ZNF280D: variants seen among roughly 807,000 people sequenced by gnomAD.
ZNF280D encodes suppressor of hairy wing homolog 4.
In ZNF280D, 39 loss-of-function variants were observed where a neutral mutation model predicts 94.7. The observed-to-expected ratio is 0.41, with a 90% confidence interval of 0.32 to 0.54. ZNF280D has a LOEUF of 0.54. Among genes scored for constraint, ZNF280D ranks in the 20% least tolerant of loss-of-function variants. The pLI is 0.22. For synonymous variants in ZNF280D, 398 were observed against 377.6 expected (o/e 1.05, Z -0.63); for missense variants, 1,090 against 1,149.3 (o/e 0.95, Z 0.75).
chr15:56,712,594 CAA>C (rs1171267893), intron 1 of ZNF280D, among the ~76,000 whole-genome samples: 113 of 76,984 alleles, frequency 1.5e-3, no homozygotes, highest in African/African-American at 5.8e-3. Flanking sequence ...ACCCTCATAC[CAA>C]AAAAAAAAAA....
intron 10 of ZNF280D, among the ~76,000 whole-genome samples, chr15:56,679,908 G>A (rs186851674): frequency 6.6e-6 from 1 of 152,214 alleles, no homozygotes; most frequent in Non-Finnish European, 1.5e-5. Flanking sequence ...AAAAATCCTG[G>A]TCGTTGTTAA....
At chr15:56,669,069 C>T (rs1278683871) in intron 13 of ZNF280D, 112 bp from the exon 14 acceptor site, 15 of 959,762 alleles carry the variant, frequency 1.6e-5, no homozygotes, top group Admixed American at 9.0e-5. Flanking sequence ...TAAAAACTTG[C>T]GGTTTAACAT....
At chr15:56,676,300 T>G (rs183152252) in intron 13 of ZNF280D, among the ~76,000 whole-genome samples, 1 of 152,142 alleles carries the variant, frequency 6.6e-6, no homozygotes, top group Non-Finnish European at 1.5e-5. Flanking sequence ...CTTTTCTTCC[T>G]CAGTTCAAAC....
intron 4 of ZNF280D, among the ~76,000 whole-genome samples, chr15:56,701,750 A>G (rs2057087466): frequency 6.6e-6 from 1 of 152,132 alleles, no homozygotes; most frequent in South Asian, 2.1e-4. Flanking sequence ...TCATCGGATT[A>G]TCTACTATTA....
chr15:56,654,557 T>G, intron 17 of ZNF280D, 54 bp from the exon 18 acceptor site: 1 of 1,483,746 alleles, frequency 6.7e-7, no homozygotes, highest in Non-Finnish European at 9.1e-7. Flanking sequence ...AATCCACTTA[T>G]AAGTTTGATG....
intron 19 of ZNF280D, among the ~76,000 whole-genome samples, chr15:56,651,356 G>T (rs1449559158): frequency 6.6e-6 from 1 of 152,162 alleles, no homozygotes; most frequent in Non-Finnish European, 1.5e-5. Context: ...AGAATAAAAT[G>T]ATGGTAAGGA....
intron 19 of ZNF280D, 187 bp downstream of exon 19, chr15:56,654,011 C>A: frequency 7.0e-7 from 1 of 1,431,602 alleles, no homozygotes; most frequent in African/African-American, 1.5e-5. Flanking sequence ...TAGGAAATTC[C>A]AACTTGTCTT....
At chr15:56,635,315 C>T in intron 20 of ZNF280D, 65 bp from the exon 21 acceptor site, 6 of 845,358 alleles carry the variant, frequency 7.1e-6, no homozygotes, top group Non-Finnish European at 1.0e-5. Flanking sequence ...TTTTATTATA[C>T]TAAACTTTCT....
rs2057452687 is a variant in ZNF280D at position 56,707,086 on chromosome 15, T to C, written c.24A>G (p.Pro8=). 3 of 1,613,964 alleles carry C rather than the reference T, an allele frequency of 1.9e-6. No individual in the cohort carries two copies. Among genetic ancestry groups the C allele is most frequent in the Non-Finnish European group, 2.5e-6 (3 of 1,179,896 alleles). ...AGTTGTGGCAGCAACACTTACTTTT[T>C]GGTTGAAAAGGGTTGTCGCCCATCA... is the stretch of plus-strand genomic sequence containing the variant. The part of the protein sequence containing the change: MGDNPFQ[P]KSNSKMAELF... Residue 8 remains proline, a synonymous_variant, in exon 3 of 22, where the codon CCA becomes CCG. Coordinates refer to ENST00000267807, the MANE Select transcript of ZNF280D (RefSeq NM_017661.4).
chr15:56,665,090 C>T (rs1248768402), intron 16 of ZNF280D, among the ~76,000 whole-genome samples: 1 of 151,952 alleles, frequency 6.6e-6, no homozygotes, highest in Non-Finnish European at 1.5e-5. Flanking sequence ...GAAATGCTGG[C>T]ACTAAAGAAG....
chr15:56,717,945 T>C (rs935165292), intron 1 of ZNF280D, among the ~76,000 whole-genome samples: 1 of 152,092 alleles, frequency 6.6e-6, no homozygotes, highest in African/African-American at 2.4e-5. Context: ...GAACTCTAGG[T>C]GAGAAAGATC....
rs530774 is a variant in ZNF280D, at chr15:56,704,356, A to G, written c.29-89T>C. 1.9e-3 allele frequency: 2,440 copies of G among 1,279,056 alleles called. 35 individuals carry two copies. The African/African-American group carries it at 0.032, about 17-fold the overall frequency. The allele number at this position is 1,279,056 out of a possible 1,614,324, so 79.2% of individuals were successfully genotyped here. A position where few individuals can be genotyped will look rare whatever the true frequency, so the allele number is the denominator to read the frequency against. Reference sequence around the variant, plus strand: ...ATACATAGCATTAATTTTAAGGTGTACTTTAATAATCTTAATAGCAATTTC... The same window carrying G: ...ATACATAGCATTAATTTTAAGGTGTGCTTTAATAATCTTAATAGCAATTTC... On this transcript the variant is annotated intron_variant, in intron 3 of 21. Coordinates refer to ENST00000267807, the MANE Select transcript of ZNF280D (RefSeq NM_017661.4).
At chr15:56,716,948 T>A (rs1047415665) in intron 1 of ZNF280D, among the ~76,000 whole-genome samples, 1 of 152,154 alleles carries the variant, frequency 6.6e-6, no homozygotes, top group East Asian at 1.9e-4. Flanking sequence ...ATTGATTCTA[T>A]CCTCATAAAG....
chr15:56,691,977 G>C (rs1385494292), intron 7 of ZNF280D, among the ~76,000 whole-genome samples: 1 of 152,122 alleles, frequency 6.6e-6, no homozygotes, highest in East Asian at 1.9e-4. Context: ...CTTAAGAATA[G>C]AGGATCAAAT....
rs1363871722 is a variant in ZNF280D, at chr15:56,632,028, T to C, written c.2410A>G (p.Thr804Ala). The change falls in exon 22 of 22, where the codon ACA becomes GCA. Residue 804 changes from threonine to alanine, a missense_variant. Thr to Ala is a moderately conservative substitution (Grantham distance 58). Around this residue, in one of 3 missense-constraint regions of ZNF280D, gnomAD observed 577 missense variants for 568.8 expected, o/e 1.01. Transcript: ENST00000267807. ...GTTTCATTTTCCTTATCTGAAACTG[T>C]TATGCTTTCTTCACTTTTTGTTGTT... ...SSTTKSEESI[T>A]VSDKENETCL... 2.5e-6 allele frequency: 4 copies of C among 1,613,700 alleles called. No individual in the cohort carries two copies. Among genetic ancestry groups the C allele is most frequent in the Non-Finnish European group, 3.4e-6 (4 of 1,179,870 alleles).
At chr15:56,667,065 T>C in intron 14 of ZNF280D, 79 bp from the exon 15 acceptor site, 1 of 1,170,052 alleles carries the variant, frequency 8.5e-7, no homozygotes, top group South Asian at 2.2e-5. Context: ...CAAAAATAGT[T>C]AAAAATCAAG....
At chr15:56,644,304 T>C (rs2052773574) in intron 19 of ZNF280D, among the ~76,000 whole-genome samples, 1 of 152,076 alleles carries the variant, frequency 6.6e-6, no homozygotes, top group Non-Finnish European at 1.5e-5. Flanking sequence ...GCACAATACT[T>C]ATAAAGATGA....
intron 1 of ZNF280D, among the ~76,000 whole-genome samples, chr15:56,709,672 T>C (rs953659970): frequency 2.4e-4 from 36 of 152,290 alleles, no homozygotes; most frequent in Admixed American, 7.2e-4. Flanking sequence ...TGGAATACTA[T>C]GCAGCCATAA....
chr15:56,703,593 C>T (rs1251159932), intron 4 of ZNF280D, among the ~76,000 whole-genome samples: 1 of 152,150 alleles, frequency 6.6e-6, no homozygotes, highest in Non-Finnish European at 1.5e-5. Context: ...GTGACTCACA[C>T]CTGTAATTTT....
Sources: gnomAD v4.1 joint callset for allele counts (sites outside exome capture counted in the v4.1 genomes callset) on GRCh38, gnomAD v4.1.1 for gene constraint, gnomAD v4.1.1 regional missense constraint, MANE v1.5 for transcripts, NCBI Gene and HGNC (gene_info 2026-07-23, HGNC 2026-07-21) for gene names.